The following SLC35F4 variants were observed in gnomAD, a reference collection of about 807,000 sequenced individuals.
SLC35F4 encodes the protein solute carrier family 35 member F4.
Under a neutral mutation model 44.2 loss-of-function variants are expected in SLC35F4, and 24 were observed. The observed-to-expected ratio is 0.54, with a 90% CI of 0.39 to 0.76. The LOEUF (loss-of-function observed/expected upper bound fraction) is 0.76, where lower values mean the gene tolerates loss of function less well. Ranked by LOEUF, SLC35F4 falls within the 30% of genes least tolerant of loss-of-function variation. The pLI, the probability that SLC35F4 is intolerant of heterozygous loss-of-function variation, is 0.00. For missense variants in SLC35F4, 562 were observed against 586.1 expected (o/e 0.96, Z 0.42); for synonymous variants, 238 against 223.6 (o/e 1.06, Z -0.57).
intron 1 of SLC35F4, among the ~76,000 whole-genome samples, chr14:57,808,166 C>T (rs1881564650): frequency 6.6e-6 from 1 of 151,792 alleles, no homozygotes; most frequent in Non-Finnish European, 1.5e-5. Context: ...ATTATAAATG[C>T]TTTATAAATA....
chr14:57,803,006 A>AAAAAAAAG (rs74994950), intron 1 of SLC35F4, among the ~76,000 whole-genome samples: 3 of 136,250 alleles, frequency 2.2e-5, no homozygotes, highest in Admixed American at 7.2e-5. Flanking sequence ...AAAAAAAAAA[A>AAAAAAAAG]GAAATTGCAG....
chr14:57,862,630 G>A (rs74055823), intron 1 of SLC35F4, among the ~76,000 whole-genome samples: 6,198 of 152,194 alleles, frequency 0.041, 359 homozygotes, highest in African/African-American at 0.12. Context: ...TATTCCCACT[G>A]CCCAGAATGT....
At chr14:57,709,737 G>T (rs1011074330) in intron 1 of SLC35F4, among the ~76,000 whole-genome samples, 1 of 152,088 alleles carries the variant, frequency 6.6e-6, no homozygotes, top group African/African-American at 2.4e-5. Context: ...GTATCTAAGG[G>T]TAAGATCTCT....
At chr14:57,673,842 T>C (rs1053814796) in intron 1 of SLC35F4, among the ~76,000 whole-genome samples, 3 of 152,084 alleles carry the variant, frequency 2.0e-5, no homozygotes, top group Non-Finnish European at 4.4e-5. Context: ...TAAGAACTTC[T>C]GCTCATTATT....
intron 1 of SLC35F4, among the ~76,000 whole-genome samples, chr14:57,810,150 C>G (rs1348571408): frequency 6.6e-6 from 1 of 152,226 alleles, no homozygotes; most frequent in Non-Finnish European, 1.5e-5. Context: ...TGCCCCTCCT[C>G]CATCCTGAGC....
intron 1 of SLC35F4, among the ~76,000 whole-genome samples, chr14:57,783,787 A>G (rs1317173498): frequency 2.6e-5 from 4 of 152,192 alleles, no homozygotes; most frequent in Non-Finnish European, 5.9e-5. Context: ...TTTGCCCCTA[A>G]ACACAACATC....
chr14:57,941,433 T>C (rs1345290518), intron 1 of SLC35F4, among the ~76,000 whole-genome samples: 1 of 152,206 alleles, frequency 6.6e-6, no homozygotes, highest in Non-Finnish European at 1.5e-5. Flanking sequence ...AGAAGCCAGA[T>C]GCAAAAGTCA....
intron 1 of SLC35F4, among the ~76,000 whole-genome samples, chr14:57,736,625 A>G: frequency 6.6e-6 from 1 of 152,176 alleles, no homozygotes; most frequent in East Asian, 1.9e-4. Context: ...TCATGCCTGG[A>G]CTGGTACTCA....
chr14:57,792,678 T>G (rs1400376595), intron 1 of SLC35F4, among the ~76,000 whole-genome samples: 3 of 152,110 alleles, frequency 2.0e-5, no homozygotes, highest in African/African-American at 7.2e-5. Flanking sequence ...CACTCAGATA[T>G]GGAAAACCAA....
chr14:57,769,908 G>T (rs979363269), intron 1 of SLC35F4, among the ~76,000 whole-genome samples: 1 of 151,906 alleles, frequency 6.6e-6, no homozygotes, highest in Non-Finnish European at 1.5e-5. Context: ...AGCATTTTTT[G>T]AAAAAGAGTG....
chr14:57,630,655 G>A (rs2072723915), intron 1 of SLC35F4: 4 of 696,094 alleles, frequency 5.7e-6, no homozygotes, highest in Admixed American at 1.9e-5. Context: ...TCGGTATCAA[G>A]GTCTTGGACT....
intron 1 of SLC35F4, among the ~76,000 whole-genome samples, chr14:57,979,732 G>C (rs1017769498): frequency 6.6e-6 from 1 of 152,224 alleles, no homozygotes; most frequent in Non-Finnish European, 1.5e-5. Flanking sequence ...AGTGTCTTCA[G>C]AATTGAGCAG....
intron 1 of SLC35F4, among the ~76,000 whole-genome samples, chr14:57,708,871 A>G (rs1470712051): frequency 2.0e-5 from 3 of 152,186 alleles, no homozygotes; most frequent in Non-Finnish European, 4.4e-5. Flanking sequence ...TCCACTGGAC[A>G]GGGGGCCCTT....
intron 1 of SLC35F4, among the ~76,000 whole-genome samples, chr14:57,934,081 T>A (rs923977834): frequency 8.5e-5 from 13 of 152,104 alleles, no homozygotes; most frequent in Non-Finnish European, 1.8e-4. Context: ...GTCCATTTTT[T>A]AAAAAGTTTT....
At chr14:57,738,370 T>C (rs117686830) in intron 1 of SLC35F4, among the ~76,000 whole-genome samples, 1,842 of 152,264 alleles carry the variant, frequency 0.012, 14 homozygotes, top group Non-Finnish European at 0.02. Flanking sequence ...ACCTGACTTC[T>C]CTATTCTCAT....
chr14:57,824,899 G>T (rs941525940), intron 1 of SLC35F4, among the ~76,000 whole-genome samples: 1 of 152,108 alleles, frequency 6.6e-6, no homozygotes, highest in African/African-American at 2.4e-5. Flanking sequence ...GTTTAAAGAT[G>T]ATATCATCTT....
intron 1 of SLC35F4, among the ~76,000 whole-genome samples, chr14:57,874,593 G>A (rs1158956951): frequency 6.6e-6 from 1 of 152,166 alleles, no homozygotes; most frequent in Non-Finnish European, 1.5e-5. Context: ...GAGGCCCCTC[G>A]ATGAGTCTCT....
At chr14:57,832,263 C>T (rs936818428) in intron 1 of SLC35F4, among the ~76,000 whole-genome samples, 11 of 148,544 alleles carry the variant, frequency 7.4e-5, no homozygotes, top group Non-Finnish European at 1.5e-4. Context: ...CAGGAACTTG[C>T]AGCAGAATGG....
At chr14:57,691,657 T>C (rs1457647097) in intron 1 of SLC35F4, among the ~76,000 whole-genome samples, 1 of 152,194 alleles carries the variant, frequency 6.6e-6, no homozygotes, top group Admixed American at 6.6e-5. Flanking sequence ...ATGATATTTG[T>C]TTATTATGTT....
Sources: allele counts gnomAD v4.1 joint callset (sites outside exome capture counted in the v4.1 genomes callset), GRCh38; gene constraint gnomAD v4.1.1; transcripts MANE v1.5; gene names NCBI Gene and HGNC (gene_info 2026-07-23, HGNC 2026-07-21).